The following SAMD3 variants were observed in gnomAD, a reference collection of about 807,000 sequenced individuals.
SAMD3 encodes the protein sterile alpha motif domain containing 3, also known as sterile alpha motif domain-containing protein 3.
SAMD3 carries 63 observed loss-of-function variants against 58.5 expected under a neutral mutation model. The ratio of observed to expected loss-of-function variants is 1.08; its 90% CI spans 0.88 to 1.33. SAMD3 has a LOEUF of 1.33. Among genes scored for constraint, SAMD3 ranks in the 40% most tolerant of loss-of-function variants. SAMD3 has a pLI of 0.00. For synonymous variants in SAMD3, 220 were observed against 210.3 expected, an observed-to-expected ratio of 1.05 and a Z score of -0.40; for missense variants, 604 against 608.4, an observed-to-expected ratio of 0.99 and a Z score of 0.08.
chr6:130,342,423 C>A (rs1777301717), intron 1 of SAMD3, among the ~76,000 whole-genome samples: 1 of 152,096 alleles, frequency 6.6e-6, no homozygotes, highest in Non-Finnish European at 1.5e-5. Flanking sequence ...GCATCATTTT[C>A]AATTAATTTT....
chr6:130,147,273 C>T (rs1165405399), intron 9 of SAMD3, among the ~76,000 whole-genome samples: 1 of 152,184 alleles, frequency 6.6e-6, no homozygotes, highest in Non-Finnish European at 1.5e-5. Flanking sequence ...TTTGGTAGAT[C>T]ATAAATTGCC....
intron 2 of SAMD3, among the ~76,000 whole-genome samples, chr6:130,290,679 T>G (rs1422019099): frequency 6.6e-6 from 1 of 152,210 alleles, no homozygotes. Context: ...AATATTGCAT[T>G]CTTTCTGTGA....
chr6:130,323,802 C>CAAAAAAAAA lies in SAMD3; in HGVS notation c.-303-10718_-303-10710dup, dbSNP rs766078214. 9.7e-4 allele frequency among the ~76,000 whole-genome samples: 52 copies of CAAAAAAAAA among 53,524 alleles called. 1 individual carries two copies. Among genetic ancestry groups the CAAAAAAAAA allele is most frequent in the African/African-American group, 2.4e-3 (29 of 12,098 alleles). The allele number at this position is 53,524 out of a possible 152,430, so 35.1% of individuals were successfully genotyped here. A position where few individuals can be genotyped will look rare whatever the true frequency, so the allele number is the denominator to read the frequency against. ...TGGGTCACAGAGGTAGACTCTGTCT[C>CAAAAAAAAA]AAAAAAAAAAAAAAAAAAAAAAAGA... is the stretch of plus-strand genomic sequence containing the variant. On this transcript the variant is annotated intron_variant, in intron 1 of 13. Transcript: ENST00000368134.
intron 1 of SAMD3, among the ~76,000 whole-genome samples, chr6:130,322,044 A>C (rs568726012): frequency 1.3e-5 from 2 of 152,322 alleles, no homozygotes; most frequent in Admixed American, 1.3e-4. Flanking sequence ...CTCTCTGGTC[A>C]AGAGGAGCTG....
At chr6:130,365,328 T>A (rs1229541618) in exon 1 of SAMD3, 8 of 985,210 alleles carry the variant, frequency 8.1e-6, no homozygotes, top group Non-Finnish European at 9.6e-6. Flanking sequence ...GTCTTCCATT[T>A]CCCCCGCCCA....
At chr6:130,193,699 G>T (rs975612620) in intron 5 of SAMD3, among the ~76,000 whole-genome samples, 2 of 152,098 alleles carry the variant, frequency 1.3e-5, no homozygotes, top group Non-Finnish European at 2.9e-5. Context: ...ATTTTCTTCT[G>T]CAATGCCGCT....
chr6:130,359,638 C>T (rs1777929168), intron 1 of SAMD3, among the ~76,000 whole-genome samples: 1 of 152,174 alleles, frequency 6.6e-6, no homozygotes, highest in Admixed American at 6.5e-5. Context: ...TACAAAGATG[C>T]CAAACACACC....
chr6:130,186,697 T>C (rs1322019504), intron 5 of SAMD3, among the ~76,000 whole-genome samples: 1 of 152,052 alleles, frequency 6.6e-6, no homozygotes, highest in Non-Finnish European at 1.5e-5. Context: ...TTACCTCTCC[T>C]GTATCTACTG....
At chr6:130,185,898 C>T (rs900940378) in intron 5 of SAMD3, among the ~76,000 whole-genome samples, 4 of 151,914 alleles carry the variant, frequency 2.6e-5, no homozygotes, top group Non-Finnish European at 4.4e-5. Flanking sequence ...CCCAAAGTGT[C>T]GGGATTACAG....
intron 1 of SAMD3, among the ~76,000 whole-genome samples, chr6:130,320,246 T>C (rs747127441): frequency 6.6e-6 from 1 of 152,148 alleles, no homozygotes; most frequent in South Asian, 2.1e-4. Context: ...GGGGGAAATC[T>C]GAACAGAAGC....
At chr6:130,264,169 T>G (rs6932138) in intron 2 of SAMD3, among the ~76,000 whole-genome samples, 47,250 of 152,000 alleles carry the variant, frequency 0.31, 7,727 homozygotes, top group East Asian at 0.47. Context: ...CAGTCGACCA[T>G]GCATAGGCTG....
chr6:130,255,842 A>G (rs914663427), intron 2 of SAMD3, among the ~76,000 whole-genome samples: 1 of 150,824 alleles, frequency 6.6e-6, no homozygotes, highest in African/African-American at 2.4e-5. Context: ...GGCAACATAT[A>G]GTTGGGTCTT....
At chr6:130,208,430 C>T (rs1004793084) in intron 5 of SAMD3, among the ~76,000 whole-genome samples, 1 of 152,152 alleles carries the variant, frequency 6.6e-6, no homozygotes, top group Non-Finnish European at 1.5e-5. Flanking sequence ...AGCCACACAG[C>T]AGGAGGTGAG....
intron 2 of SAMD3, among the ~76,000 whole-genome samples, chr6:130,247,870 A>G (rs116548050): frequency 0.031 from 4,653 of 152,270 alleles, 239 homozygotes; most frequent in African/African-American, 0.11. Flanking sequence ...TGCATCCATC[A>G]TAGCCTAAGT....
intron 8 of SAMD3, among the ~76,000 whole-genome samples, chr6:130,173,943 G>A (rs1279045738): frequency 6.6e-6 from 1 of 152,186 alleles, no homozygotes; most frequent in East Asian, 1.9e-4. Flanking sequence ...ACTTTGCTGT[G>A]TCCAGCCCAG....
At chr6:130,147,725 A>G (rs186856760) in intron 9 of SAMD3, among the ~76,000 whole-genome samples, 198 of 152,320 alleles carry the variant, frequency 1.3e-3, no homozygotes, top group Non-Finnish European at 2.4e-3. Flanking sequence ...TGTTCCAGTC[A>G]TATTCTTAAC....
At chr6:130,150,584 T>C (rs1022103285) in intron 9 of SAMD3, among the ~76,000 whole-genome samples, 11 of 152,198 alleles carry the variant, frequency 7.2e-5, no homozygotes, top group African/African-American at 2.7e-4. Flanking sequence ...GTTTTGTTGT[T>C]TGTCCTTAGT....
At chr6:130,291,797 A>T (rs1775370674) in intron 2 of SAMD3, among the ~76,000 whole-genome samples, 1 of 152,158 alleles carries the variant, frequency 6.6e-6, no homozygotes, top group South Asian at 2.1e-4. Flanking sequence ...GAATTACTTG[A>T]TTAATTATGG....
At chr6:130,331,904 C>T (rs116628151) in intron 1 of SAMD3, among the ~76,000 whole-genome samples, 2,932 of 152,234 alleles carry the variant, frequency 0.019, 91 homozygotes, top group African/African-American at 0.066. Flanking sequence ...ACCTGGACAT[C>T]GAGGTGAAGT....
Sources: gnomAD v4.1 joint callset for allele counts (sites outside exome capture counted in the v4.1 genomes callset) on GRCh38, gnomAD v4.1.1 for gene constraint, MANE v1.5 for transcripts, NCBI Gene and HGNC (gene_info 2026-07-23, HGNC 2026-07-21) for gene names.